Variants in PDSS2 observed in about 807,000 individuals in gnomAD.
PDSS2 encodes the protein all trans-polyprenyl-diphosphate synthase PDSS2.
A neutral mutation model predicts 44.5 loss-of-function variants in PDSS2; 31 were observed. That is an observed-to-expected ratio of 0.70 (90% CI 0.52 to 0.94). PDSS2 has a LOEUF of 0.94. PDSS2 is among the 40% of genes least tolerant of loss of function. PDSS2 has a pLI of 0.00. For synonymous variants in PDSS2, 157 were observed against 180.3 expected, an observed-to-expected ratio of 0.87 and a Z score of 1.03; for missense variants, 452 against 482.2, an observed-to-expected ratio of 0.94 and a Z score of 0.59.
chr6:107,322,538 AAAC>A (rs1582940425), intron 2 of PDSS2, among the ~76,000 whole-genome samples: 3 of 147,284 alleles, frequency 2.0e-5, no homozygotes, highest in African/African-American at 5.0e-5. Flanking sequence ...CAAACAAACA[AAAC>A]AACAACAACA....
chr6:107,158,279 G>A (rs1356847900), intron 7 of PDSS2, among the ~76,000 whole-genome samples: 2 of 151,176 alleles, frequency 1.3e-5, no homozygotes, highest in South Asian at 2.1e-4. Context: ...TCCACCTCTC[G>A]GGTTCAAGCA....
chr6:107,276,776 G>C (rs1433461188), intron 2 of PDSS2, among the ~76,000 whole-genome samples: 1 of 152,142 alleles, frequency 6.6e-6, no homozygotes, highest in African/African-American at 2.4e-5. Flanking sequence ...AAACAGGCTT[G>C]ATAAATGTTT....
chr6:107,370,569 A>G (rs1019193222), intron 1 of PDSS2, among the ~76,000 whole-genome samples: 1 of 152,238 alleles, frequency 6.6e-6, no homozygotes, highest in Admixed American at 6.5e-5. Flanking sequence ...CTGCTATTTA[A>G]GCATAACGAG....
chr6:107,432,796 T>C (rs1336692450), intron 1 of PDSS2, among the ~76,000 whole-genome samples: 1 of 151,986 alleles, frequency 6.6e-6, no homozygotes, highest in African/African-American at 2.4e-5. Context: ...AATCCTCTCT[T>C]CTAGCTTTTT....
intron 6 of PDSS2, among the ~76,000 whole-genome samples, chr6:107,205,011 T>C (rs1364528522): frequency 6.6e-6 from 1 of 152,242 alleles, no homozygotes; most frequent in Non-Finnish European, 1.5e-5. Flanking sequence ...ATTAATATTA[T>C]TCCTTTTGAA....
At position 107,225,164 on chromosome 6, in the gene PDSS2, T is replaced by TATATATATA. The variant is rs1289535741; in HGVS notation, c.703-12883_703-12882insTATATATAT. On this transcript the variant is annotated intron_variant, in intron 4 of 7. Coordinates refer to ENST00000369037, the MANE Select transcript of PDSS2 (RefSeq NM_020381.4). ...ATATATATATATATATATATATATT[T>TATATATATA]TTTTTTTTTTTTTTTTTTTTTTTTT... Among the ~76,000 whole-genome samples, 306 of 42,886 alleles carry TATATATATA rather than the reference T, an allele frequency of 7.1e-3. 7 individuals are homozygous for TATATATATA. Among genetic ancestry groups the TATATATATA allele is most frequent in the African/African-American group, 0.023 (178 of 7,768 alleles). The allele number at this position is 42,886 out of a possible 152,430, so 28.1% of individuals were successfully genotyped here. A position where few individuals can be genotyped will look rare whatever the true frequency, so the allele number is the denominator to read the frequency against.
chr6:107,262,084 C>T (rs9398129), intron 3 of PDSS2, among the ~76,000 whole-genome samples: 145,821 of 151,316 alleles, frequency 0.96, 70,484 homozygotes, highest in East Asian at 1. Flanking sequence ...AATTTTTTTG[C>T]ATTTTTGTAG....
intron 7 of PDSS2, among the ~76,000 whole-genome samples, chr6:107,179,594 T>A (rs755008897): frequency 2.6e-5 from 4 of 152,126 alleles, no homozygotes; most frequent in Non-Finnish European, 4.4e-5. Context: ...CAAGCCAGAA[T>A]GTCAAGGACT....
At chr6:107,325,869 T>C (rs1403542328) in intron 2 of PDSS2, among the ~76,000 whole-genome samples, 1 of 152,194 alleles carries the variant, frequency 6.6e-6, no homozygotes, top group Non-Finnish European at 1.5e-5. Flanking sequence ...TTCATGGGAA[T>C]TTTTTCCACT....
intron 1 of PDSS2, among the ~76,000 whole-genome samples, chr6:107,358,320 T>C (rs1778653175): frequency 6.6e-6 from 1 of 152,158 alleles, no homozygotes; most frequent in South Asian, 2.1e-4. Context: ...GTGCCAAGCA[T>C]TTTGGATAAG....
intron 4 of PDSS2, among the ~76,000 whole-genome samples, chr6:107,212,805 A>G (rs1773266106): frequency 6.7e-6 from 1 of 148,884 alleles, no homozygotes. Context: ...CAGGAGTTCG[A>G]GACCAGCCTG....
chr6:107,174,423 C>G (rs1771714721), intron 7 of PDSS2, among the ~76,000 whole-genome samples: 1 of 152,112 alleles, frequency 6.6e-6, no homozygotes, highest in South Asian at 2.1e-4. Flanking sequence ...TTATTGGAAG[C>G]CTTCAGTGAC....
intron 7 of PDSS2, among the ~76,000 whole-genome samples, chr6:107,158,830 G>A (rs1771008906): frequency 6.6e-6 from 1 of 151,902 alleles, no homozygotes; most frequent in Non-Finnish European, 1.5e-5. Context: ...CCAGGTTCAA[G>A]CAATTCTCCT....
At chr6:107,429,702 T>C (rs1378671250) in intron 1 of PDSS2, among the ~76,000 whole-genome samples, 1 of 151,084 alleles carries the variant, frequency 6.6e-6, no homozygotes, top group Admixed American at 6.6e-5. Flanking sequence ...CTGACCAACA[T>C]GGAGAAACCC....
intron 1 of PDSS2, among the ~76,000 whole-genome samples, chr6:107,427,175 G>A: frequency 6.6e-6 from 1 of 152,178 alleles, no homozygotes; most frequent in East Asian, 1.9e-4. Flanking sequence ...TTCCTGTGCT[G>A]TTCTTGTGAC....
chr6:107,360,061 T>C (rs927821092), intron 1 of PDSS2, among the ~76,000 whole-genome samples: 1 of 152,212 alleles, frequency 6.6e-6, no homozygotes, highest in Non-Finnish European at 1.5e-5. Flanking sequence ...TATATGGTTT[T>C]GTTTTGTTCT....
chr6:107,185,820 T>C (rs913565655), intron 7 of PDSS2, among the ~76,000 whole-genome samples: 1 of 152,190 alleles, frequency 6.6e-6, no homozygotes, highest in Non-Finnish European at 1.5e-5. Flanking sequence ...CGGCTCTGCC[T>C]AACCTTGAGG....
chr6:107,214,260 C>T (rs536348980), intron 4 of PDSS2, among the ~76,000 whole-genome samples: 130 of 152,138 alleles, frequency 8.5e-4, no homozygotes, highest in Non-Finnish European at 1.0e-3. Context: ...CCCGCCACCA[C>T]GCCCAGCTAA....
chr6:107,357,608 G>A (rs1326065596), intron 1 of PDSS2, among the ~76,000 whole-genome samples: 1 of 151,910 alleles, frequency 6.6e-6, no homozygotes, highest in Non-Finnish European at 1.5e-5. Context: ...ACACAAACAT[G>A]CATCCATTTT....
Sources: allele counts gnomAD v4.1 joint callset (sites outside exome capture counted in the v4.1 genomes callset), GRCh38; gene constraint gnomAD v4.1.1; transcripts MANE v1.5; gene names NCBI Gene and HGNC (gene_info 2026-07-23, HGNC 2026-07-21).